COA1: variants seen among roughly 807,000 people sequenced by gnomAD.
COA1 encodes cytochrome c oxidase assembly factor 1, also known as cytochrome c oxidase assembly factor 1 homolog.
In COA1, 13 loss-of-function variants were observed where a neutral mutation model predicts 16.0. The observed-to-expected ratio is 0.81, with a 90% CI of 0.53 to 1.29. The LOEUF (loss-of-function observed/expected upper bound fraction) is 1.29, where lower values mean the gene tolerates loss of function less well. COA1 is among the 50% of genes most tolerant of loss of function. COA1 has a pLI of 0.00. For synonymous variants in COA1, 65 were observed against 65.7 expected (o/e 0.99, Z 0.05); for missense variants, 179 against 177.0 (o/e 1.01, Z -0.06).
At chr7:43,619,699 A>G in intron 6 of COA1, 1 of 1,614,056 alleles carries the variant, frequency 6.2e-7, no homozygotes, top group Non-Finnish European at 8.5e-7. Flanking sequence ...GCTCCGAGAA[A>G]TTATGGGTAC....
At chr7:43,634,317 G>A (rs535779893), downstream of COA1, among the ~76,000 whole-genome samples, 154 of 152,262 alleles carry the variant, frequency 1.0e-3, 1 homozygote, top group African/African-American at 3.5e-3. Flanking sequence ...TCATGTTTTC[G>A]TAGGTCTACT....
downstream of COA1, among the ~76,000 whole-genome samples, chr7:43,635,224 T>G (rs977351475): frequency 4.6e-5 from 7 of 152,160 alleles, no homozygotes; most frequent in Admixed American, 2.6e-4. Flanking sequence ...TCTCTCCAAT[T>G]GAATATTAAG....
chr7:43,719,327 A>G (rs1264137563), intron 1 of COA1, among the ~76,000 whole-genome samples: 2 of 152,172 alleles, frequency 1.3e-5, no homozygotes, highest in African/African-American at 2.4e-5. Context: ...CTTGGAAACA[A>G]GAAACTCAAG....
intron 4 of COA1, 108 bp downstream of exon 4, chr7:43,645,143 G>A: frequency 1.0e-6 from 1 of 991,510 alleles, no homozygotes; most frequent in East Asian, 2.8e-5. Context: ...GCTTTACTTA[G>A]TGGATTTTCC....
chr7:43,635,866 A>G (rs1400629018), downstream of COA1, among the ~76,000 whole-genome samples: 32 of 111,758 alleles, frequency 2.9e-4, no homozygotes, highest in Admixed American at 2.8e-3. Context: ...AAGTTAAAAG[A>G]TAAGTGTTAA....
intron 1 of COA1, among the ~76,000 whole-genome samples, chr7:43,718,973 A>AT (rs57530020): frequency 1.1e-4 from 15 of 134,776 alleles, no homozygotes; most frequent in Non-Finnish European, 1.8e-4. Context: ...AGGAATCTAC[A>AT]TTTTTTTTTT....
At chr7:43,645,913 T>C in intron 3 of COA1, 1 of 153,890 alleles carries the variant, frequency 6.5e-6, no homozygotes, top group South Asian at 2.0e-4. Context: ...CCCTCAGGCC[T>C]AGAAACAGGA....
intron 1 of COA1, among the ~76,000 whole-genome samples, chr7:43,699,599 A>G (rs2094640443): frequency 6.6e-6 from 1 of 152,214 alleles, no homozygotes; most frequent in Non-Finnish European, 1.5e-5. Context: ...AAGCAAATGT[A>G]AAACAATTGT....
chr7:43,636,117 G>A (rs1381219918), downstream of COA1, among the ~76,000 whole-genome samples: 2 of 152,154 alleles, frequency 1.3e-5, no homozygotes, highest in African/African-American at 4.8e-5. Context: ...CACCCAACCC[G>A]TGTCTTAGAG....
chr7:43,702,956 G>C (rs917548064), intron 1 of COA1, among the ~76,000 whole-genome samples: 3 of 152,072 alleles, frequency 2.0e-5, no homozygotes, highest in Admixed American at 1.3e-4. Context: ...ATTAATTTTA[G>C]ATCTTTCTAA....
intron 4 of COA1, among the ~76,000 whole-genome samples, chr7:43,644,762 G>GATGGATAGATAGATAGATAGA (rs1563228848): frequency 6.2e-5 from 5 of 80,106 alleles, no homozygotes; most frequent in Admixed American, 1.2e-4. Flanking sequence ...AGATAGATAG[G>GATGGATAGATAGATAGATAGA]CAGGCAGGCA....
intron 1 of COA1, among the ~76,000 whole-genome samples, chr7:43,678,748 T>C (rs1441695154): frequency 1.3e-5 from 2 of 151,706 alleles, no homozygotes; most frequent in Non-Finnish European, 2.9e-5. Flanking sequence ...AAAACCACAA[T>C]AAGACACCAC....
intron 5 of COA1, 82 bp from the exon 6 acceptor site, chr7:43,639,763 C>T: frequency 9.1e-7 from 1 of 1,093,106 alleles, no homozygotes; most frequent in Non-Finnish European, 1.4e-6. Context: ...GCGCGGAAAG[C>T]AGTTGTTTTG....
At chr7:43,717,304 G>A (rs2095414915) in intron 1 of COA1, among the ~76,000 whole-genome samples, 2 of 152,180 alleles carry the variant, frequency 1.3e-5, no homozygotes, top group Admixed American at 6.5e-5. Flanking sequence ...CAAAGCCACA[G>A]GGGTGGAGCT....
intron 1 of COA1, among the ~76,000 whole-genome samples, chr7:43,703,391 T>C (rs2094831133): frequency 6.6e-6 from 1 of 152,208 alleles, no homozygotes; most frequent in Non-Finnish European, 1.5e-5. Context: ...ATATCTTTAT[T>C]AGTTTTCTGC....
exon 7 of COA1, chr7:43,608,702 G>C (rs2082645378): frequency 4.7e-6 from 1 of 213,696 alleles, no homozygotes; most frequent in African/African-American, 2.3e-5. Flanking sequence ...AGAAGAATGA[G>C]AGAAAATTGC....
Position 43,691,330 on chromosome 7 carries a change from A to G in COA1, c.-39+38099T>C, listed in dbSNP as rs532021738. ...GAAAGAAAGAAAGAAAGAAAGAAAG[A>G]GAAAGAGAGAGAGGGAGGGAGGGAG... On this transcript the variant is annotated intron_variant, in intron 1 of 5. Transcript: ENST00000223336. Among the ~76,000 whole-genome samples the G allele has an allele frequency of 1.2e-3, 95 of 81,376 alleles. 1 individual carries two copies. Among genetic ancestry groups the G allele is most frequent in the African/African-American group, 4.0e-3 (82 of 20,484 alleles). The allele number at this position is 81,376 out of a possible 152,430, so 53.4% of individuals were successfully genotyped here. A position where few individuals can be genotyped will look rare whatever the true frequency, so the allele number is the denominator to read the frequency against.
intron 1 of COA1, among the ~76,000 whole-genome samples, chr7:43,701,555 T>C (rs1325920795): frequency 6.6e-6 from 1 of 152,250 alleles, no homozygotes; most frequent in African/African-American, 2.4e-5. Flanking sequence ...CTATTGTGAA[T>C]AGTGCTGCAA....
chr7:43,703,031 T>G (rs1033692078), intron 1 of COA1, among the ~76,000 whole-genome samples: 1 of 152,198 alleles, frequency 6.6e-6, no homozygotes, highest in Non-Finnish European at 1.5e-5. Context: ...TCCCAAGGAT[T>G]CTAGTATGTT....
Sources: allele counts gnomAD v4.1 joint callset (sites outside exome capture counted in the v4.1 genomes callset), GRCh38; gene constraint gnomAD v4.1.1; transcripts MANE v1.5; gene names NCBI Gene and HGNC (gene_info 2026-07-23, HGNC 2026-07-21).